The following SCFD2 variants were observed in gnomAD, a reference collection of about 807,000 sequenced individuals.
SCFD2 encodes the protein sec1 family domain-containing protein 2.
A neutral mutation model predicts 58.9 loss-of-function variants in SCFD2; 54 were observed. The ratio of observed to expected loss-of-function variants is 0.92; its 90% CI spans 0.74 to 1.15. The LOEUF is 1.15. Among genes scored for constraint, SCFD2 ranks in the 50% most tolerant of loss-of-function variants. The pLI is 0.00. For synonymous variants in SCFD2, 321 were observed against 335.9 expected, an observed-to-expected ratio of 0.96 and a Z score of 0.49; for missense variants, 805 against 836.6, an observed-to-expected ratio of 0.96 and a Z score of 0.47.
chr4:53,105,414 C>T (rs1181504373), intron 5 of SCFD2, among the ~76,000 whole-genome samples: 3 of 151,954 alleles, frequency 2.0e-5, no homozygotes, highest in Admixed American at 6.6e-5. Context: ...CCCCATGGAG[C>T]CCAGCATGCT....
At chr4:53,098,747 C>T (rs906667800) in intron 5 of SCFD2, among the ~76,000 whole-genome samples, 5 of 152,152 alleles carry the variant, frequency 3.3e-5, no homozygotes, top group Middle Eastern at 3.4e-3. Flanking sequence ...TGTGTGCACA[C>T]ACATACACAC....
chr4:53,333,345 A>G (rs547768688), intron 2 of SCFD2, among the ~76,000 whole-genome samples: 9 of 142,280 alleles, frequency 6.3e-5, no homozygotes, highest in Non-Finnish European at 1.1e-4. Context: ...CCTGACTTCA[A>G]ACTATACTAC....
intron 6 of SCFD2, among the ~76,000 whole-genome samples, chr4:52,910,243 G>C (rs941510259): frequency 6.6e-6 from 1 of 152,212 alleles, no homozygotes; most frequent in Admixed American, 6.5e-5. Flanking sequence ...GGAAGGATAT[G>C]CTTTTCTCTT....
chr4:53,020,166 T>C (rs75320067), intron 5 of SCFD2, among the ~76,000 whole-genome samples: 1,683 of 152,338 alleles, frequency 0.011, 15 homozygotes, highest in Middle Eastern at 0.034. Context: ...AATTAGCATG[T>C]CATTTCATGA....
chr4:53,132,818 A>C (rs1046833724), intron 5 of SCFD2, among the ~76,000 whole-genome samples: 1 of 152,214 alleles, frequency 6.6e-6, no homozygotes, highest in Non-Finnish European at 1.5e-5. Flanking sequence ...GGTATGCTCA[A>C]GGTTTAAGGG....
chr4:52,947,765 C>T (rs1207664288), intron 5 of SCFD2, among the ~76,000 whole-genome samples: 1 of 149,790 alleles, frequency 6.7e-6, no homozygotes, highest in African/African-American at 2.5e-5. Flanking sequence ...AAAAAAAATA[C>T]AGGTGTACTA....
chr4:53,048,561 C>A (rs1051205440), intron 5 of SCFD2, among the ~76,000 whole-genome samples: 4 of 152,136 alleles, frequency 2.6e-5, no homozygotes, highest in Non-Finnish European at 5.9e-5. Context: ...CATAGGGAGA[C>A]CCTGTCTCTA....
chr4:53,282,243 C>A (rs2149077822), intron 3 of SCFD2, among the ~76,000 whole-genome samples: 1 of 152,218 alleles, frequency 6.6e-6, no homozygotes, highest in African/African-American at 2.4e-5. Context: ...GTTTCACATT[C>A]TTTCATGCTA....
At chr4:53,287,593 T>C (rs571650176) in intron 3 of SCFD2, among the ~76,000 whole-genome samples, 52 of 152,132 alleles carry the variant, frequency 3.4e-4, no homozygotes, top group Admixed American at 7.9e-4. Flanking sequence ...TGAAAGTCTC[T>C]CCCTACAAAA....
intron 5 of SCFD2, among the ~76,000 whole-genome samples, chr4:52,972,065 C>T (rs34704735): frequency 0.11 from 16,627 of 152,152 alleles, 1,031 homozygotes; most frequent in East Asian, 0.28. Context: ...CAAAAACATG[C>T]CAAATTGTAA....
intron 4 of SCFD2, among the ~76,000 whole-genome samples, chr4:53,178,673 A>G (rs559216202): frequency 4.3e-4 from 65 of 152,360 alleles, no homozygotes; most frequent in African/African-American, 1.5e-3. Context: ...AGTTGAGAGA[A>G]GAAGCCTTCA....
At chr4:53,353,187 C>T (rs1193607065) in intron 1 of SCFD2, among the ~76,000 whole-genome samples, 1 of 152,146 alleles carries the variant, frequency 6.6e-6, no homozygotes, top group Non-Finnish European at 1.5e-5. Context: ...TTCGTGGTCT[C>T]GCTGGCTTCA....
intron 5 of SCFD2, among the ~76,000 whole-genome samples, chr4:52,926,820 G>A (rs1314778529): frequency 1.3e-5 from 2 of 152,182 alleles, no homozygotes; most frequent in East Asian, 1.9e-4. Flanking sequence ...CAGCCAGAGA[G>A]GGCAGAGCAC....
At chr4:52,920,575 A>C in intron 6 of SCFD2, 150 bp downstream of exon 6, 1 of 478,774 alleles carries the variant, frequency 2.1e-6, no homozygotes. Context: ...ATTCCGTGGG[A>C]CCCAAAACTC....
chr4:53,097,584 G>C (rs548105446), intron 5 of SCFD2, among the ~76,000 whole-genome samples: 23 of 152,338 alleles, frequency 1.5e-4, no homozygotes, highest in African/African-American at 4.8e-4. Context: ...AGACTTTGCT[G>C]AAGTTGCTTA....
intron 4 of SCFD2, among the ~76,000 whole-genome samples, chr4:53,218,044 A>T (rs1728912603): frequency 6.6e-6 from 1 of 152,290 alleles, no homozygotes; most frequent in South Asian, 2.1e-4. Context: ...CTTTGTGGGT[A>T]ACCCGACCTT....
chr4:52,880,372 T>C (rs1484522185), intron 8 of SCFD2, among the ~76,000 whole-genome samples: 2 of 151,822 alleles, frequency 1.3e-5, no homozygotes, highest in African/African-American at 2.4e-5. Context: ...ATCCCAGCAC[T>C]TTGGGAGGGC....
chr4:53,253,994 A>G (rs1730501501), intron 4 of SCFD2, among the ~76,000 whole-genome samples: 1 of 152,070 alleles, frequency 6.6e-6, no homozygotes, highest in Non-Finnish European at 1.5e-5. Flanking sequence ...GCATAGAAAG[A>G]GAAAACCAAA....
chr4:53,329,555 T>C (rs1465605223), intron 2 of SCFD2, among the ~76,000 whole-genome samples: 2 of 149,832 alleles, frequency 1.3e-5, no homozygotes, highest in Non-Finnish European at 3.0e-5. Flanking sequence ...GAAGGAAAAC[T>C]AACAAACAGA....
Sources: gnomAD v4.1 joint callset for allele counts (sites outside exome capture counted in the v4.1 genomes callset) on GRCh38, gnomAD v4.1.1 for gene constraint, MANE v1.5 for transcripts, NCBI Gene and HGNC (gene_info 2026-07-23, HGNC 2026-07-21) for gene names.